TMEM217B: variants seen among roughly 807,000 people sequenced by gnomAD.
TMEM217B encodes transmembrane protein 217B.
chr6:37,231,383 T>G, the TMEM217B span, among the ~76,000 whole-genome samples: 1 of 150,934 alleles, frequency 6.6e-6, no homozygotes, highest in Admixed American at 6.6e-5. Context: ...ATTTAATTTT[T>G]AAGAAATCAG....
the TMEM217B span, among the ~76,000 whole-genome samples, chr6:37,220,206 G>A: frequency 4.9e-4 from 74 of 152,224 alleles, no homozygotes; most frequent in African/African-American, 1.8e-3. Flanking sequence ...TTAAAATGCT[G>A]GATAAAATAG....
chr6:37,231,566 G>A, the TMEM217B span, among the ~76,000 whole-genome samples: 2 of 149,298 alleles, frequency 1.3e-5, no homozygotes, highest in Non-Finnish European at 3.0e-5. Flanking sequence ...CCAGCTATTC[G>A]GGAGGCTGAG....
At chr6:37,226,281 C>CTTTTTT in the TMEM217B span, among the ~76,000 whole-genome samples, 94 of 74,900 alleles carry the variant, frequency 1.3e-3, 5 homozygotes, top group Middle Eastern at 0.011. Flanking sequence ...TTGAGACAGT[C>CTTTTTT]TTTTTTTTTT....
chr6:37,241,446 T>C, the TMEM217B span, among the ~76,000 whole-genome samples: 1 of 152,154 alleles, frequency 6.6e-6, no homozygotes, highest in Non-Finnish European at 1.5e-5. Context: ...GACTGGACCC[T>C]GAGCACTAGG....
the TMEM217B span, among the ~76,000 whole-genome samples, chr6:37,214,915 G>T: frequency 6.6e-6 from 1 of 152,130 alleles, no homozygotes; most frequent in Non-Finnish European, 1.5e-5. Flanking sequence ...ACCTCTGCTC[G>T]GTTCACAGCG....
At chr6:37,257,863 C>T in the TMEM217B span, 2 of 1,587,220 alleles carry the variant, frequency 1.3e-6, no homozygotes, top group South Asian at 2.3e-5. Context: ...GGTCTGGGGG[C>T]ATCTCGCCGG....
chr6:37,215,129 T>C, the TMEM217B span: 7 of 1,594,108 alleles, frequency 4.4e-6, no homozygotes, highest in Non-Finnish European at 6.0e-6. Context: ...GTCACTATAA[T>C]AATGGCCTAA....
the TMEM217B span, chr6:37,218,075 G>A: frequency 9.9e-7 from 1 of 1,008,994 alleles, no homozygotes; most frequent in Non-Finnish European, 1.2e-6. Flanking sequence ...GGGAAAAAAG[G>A]AAATAGAACT....
At chr6:37,213,493 A>G in the TMEM217B span, among the ~76,000 whole-genome samples, 1 of 152,214 alleles carries the variant, frequency 6.6e-6, no homozygotes, top group Non-Finnish European at 1.5e-5. Context: ...CTCCCTGGGC[A>G]TGGCCCAGCC....
At chr6:37,221,624 T>C in the TMEM217B span, among the ~76,000 whole-genome samples, 1 of 152,108 alleles carries the variant, frequency 6.6e-6, no homozygotes, top group Non-Finnish European at 1.5e-5. Flanking sequence ...AAACTGAAAA[T>C]ATATGAAGAA....
At chr6:37,249,388 T>G in the TMEM217B span, among the ~76,000 whole-genome samples, 1,225 of 152,234 alleles carry the variant, frequency 8.0e-3, 12 homozygotes, top group Non-Finnish European at 0.012. Flanking sequence ...GGTGCAATCT[T>G]GGCTCACTGC....
the TMEM217B span, among the ~76,000 whole-genome samples, chr6:37,216,322 G>T: frequency 2.0e-5 from 3 of 152,180 alleles, no homozygotes; most frequent in Middle Eastern, 3.4e-3. Context: ...CAAGTGATCC[G>T]CCCGCTTTGG....
chr6:37,246,972 C>T, the TMEM217B span, among the ~76,000 whole-genome samples: 3 of 151,828 alleles, frequency 2.0e-5, no homozygotes, highest in Admixed American at 6.5e-5. Flanking sequence ...ACCTATCAGG[C>T]ATGGTTAGGA....
At chr6:37,244,179 T>C in the TMEM217B span, among the ~76,000 whole-genome samples, 1 of 152,244 alleles carries the variant, frequency 6.6e-6, no homozygotes, top group Non-Finnish European at 1.5e-5. Context: ...GCTATTGTCA[T>C]CTTTGCTTTA....
At chr6:37,212,768 T>C in the TMEM217B span, 2,320 of 698,848 alleles carry the variant, frequency 3.3e-3, 10 homozygotes, top group Non-Finnish European at 4.7e-3. Flanking sequence ...CCGATGATGA[T>C]GGTGGTGAGG....
At chr6:37,247,413 G>T in the TMEM217B span, among the ~76,000 whole-genome samples, 2 of 147,198 alleles carry the variant, frequency 1.4e-5, no homozygotes, top group Non-Finnish European at 3.0e-5. Flanking sequence ...TTTTGAGATG[G>T]AGTCTCGCTC....
At chr6:37,229,974 A>C in the TMEM217B span, among the ~76,000 whole-genome samples, 1 of 152,224 alleles carries the variant, frequency 6.6e-6, no homozygotes, top group Non-Finnish European at 1.5e-5. Flanking sequence ...CTAGGGAAGA[A>C]TCCCCTTCTA....
At chr6:37,220,698 T>G in the TMEM217B span, among the ~76,000 whole-genome samples, 2 of 152,310 alleles carry the variant, frequency 1.3e-5, no homozygotes, top group South Asian at 4.1e-4. Context: ...TGTACTTTTA[T>G]GCTGGTCTTC....
the TMEM217B span, among the ~76,000 whole-genome samples, chr6:37,238,638 A>G: frequency 6.6e-6 from 1 of 152,256 alleles, no homozygotes; most frequent in South Asian, 2.1e-4. Flanking sequence ...CACCATTCTC[A>G]CTTCTTCCTT....
Sources: allele counts gnomAD v4.1 joint callset (sites outside exome capture counted in the v4.1 genomes callset), GRCh38; gene constraint gnomAD v4.1.1; transcripts MANE v1.5; gene names NCBI Gene and HGNC (gene_info 2026-07-23, HGNC 2026-07-21).